Variants in KCNIP4 observed in about 807,000 individuals in gnomAD.
The protein encoded by KCNIP4 is Kv channel-interacting protein 4.
In KCNIP4, 12 loss-of-function variants were observed where a neutral mutation model predicts 34.0. The ratio of observed to expected loss-of-function variants is 0.35; its 90% CI spans 0.23 to 0.57. KCNIP4 has a LOEUF of 0.57. Ranked by LOEUF, KCNIP4 falls within the 20% of genes least tolerant of loss-of-function variation. The probability of loss-of-function intolerance (pLI) is 0.83; values close to 1 mark genes in which losing one functional copy is unlikely to be tolerated. For synonymous variants in KCNIP4, 124 were observed against 102.2 expected (o/e 1.21, Z -1.29); for missense variants, 238 against 311.7 (o/e 0.76, Z 1.78).
At chr4:21,178,529 G>A (rs1754604981) in intron 1 of KCNIP4, among the ~76,000 whole-genome samples, 1 of 146,342 alleles carries the variant, frequency 6.8e-6, no homozygotes, top group African/African-American at 2.8e-5. Flanking sequence ...AGTTATTTAA[G>A]TCCCATGGGT....
chr4:21,236,348 G>A (rs1250329938), intron 1 of KCNIP4, among the ~76,000 whole-genome samples: 1 of 152,106 alleles, frequency 6.6e-6, no homozygotes, highest in Non-Finnish European at 1.5e-5. Flanking sequence ...CTGGACTGGT[G>A]ACATTTGTAT....
chr4:21,553,376 C>T (rs535754193), intron 1 of KCNIP4, among the ~76,000 whole-genome samples: 7 of 152,172 alleles, frequency 4.6e-5, no homozygotes, highest in South Asian at 4.1e-4. Flanking sequence ...ATAAAAATAC[C>T]GGCTGTAATA....
At chr4:21,034,528 C>T (rs1741287118) in intron 1 of KCNIP4, among the ~76,000 whole-genome samples, 1 of 152,046 alleles carries the variant, frequency 6.6e-6, no homozygotes, top group South Asian at 2.1e-4. Context: ...TTGTCTTTTC[C>T]CCTGGTCTTC....
intron 1 of KCNIP4, among the ~76,000 whole-genome samples, chr4:21,575,259 G>A (rs1399146022): frequency 6.6e-6 from 1 of 152,152 alleles, no homozygotes; most frequent in East Asian, 1.9e-4. Flanking sequence ...AGGCTAGACA[G>A]AACACTTGAA....
chr4:21,526,299 C>T (rs1363569148), intron 1 of KCNIP4, among the ~76,000 whole-genome samples: 2 of 152,070 alleles, frequency 1.3e-5, no homozygotes, highest in African/African-American at 4.8e-5. Flanking sequence ...GGGAGTTCCT[C>T]TGCACATGCT....
intron 1 of KCNIP4, among the ~76,000 whole-genome samples, chr4:21,643,543 C>A (rs986414774): frequency 6.6e-6 from 1 of 151,994 alleles, no homozygotes; most frequent in Middle Eastern, 3.2e-3. Flanking sequence ...AAATATTTGG[C>A]CAAATATTAT....
chr4:21,567,343 T>C (rs976853074), intron 1 of KCNIP4, among the ~76,000 whole-genome samples: 11 of 152,076 alleles, frequency 7.2e-5, no homozygotes, highest in African/African-American at 2.7e-4. Context: ...TGGAAGCCAC[T>C]GGCTGATGTA....
intron 1 of KCNIP4, among the ~76,000 whole-genome samples, chr4:20,937,201 C>G (rs1240292702): frequency 7.1e-6 from 1 of 140,318 alleles, no homozygotes; most frequent in Non-Finnish European, 1.5e-5. Context: ...AGGGCATGAG[C>G]AAAAGGTGCC....
chr4:21,615,584 G>C (rs745875959), intron 1 of KCNIP4, among the ~76,000 whole-genome samples: 2 of 151,426 alleles, frequency 1.3e-5, no homozygotes, highest in Non-Finnish European at 2.9e-5. Flanking sequence ...ACATATAAAA[G>C]TAACAAATAT....
intron 5 of KCNIP4, among the ~76,000 whole-genome samples, chr4:20,735,530 G>GTTTTTTTTTTTTTTT (rs10542507): frequency 9.1e-6 from 1 of 109,708 alleles, no homozygotes; most frequent in Non-Finnish European, 1.8e-5. Flanking sequence ...TTTTTTTTTT[G>GTTTTTTTTTTTTTTT]TTTTTTTTTT....
intron 1 of KCNIP4, among the ~76,000 whole-genome samples, chr4:21,467,041 A>G (rs1264827197): frequency 6.7e-6 from 1 of 150,058 alleles, no homozygotes; most frequent in Non-Finnish European, 1.5e-5. Flanking sequence ...AAAATGTGAC[A>G]AACCAAAACC....
intron 3 of KCNIP4, among the ~76,000 whole-genome samples, chr4:20,764,647 A>C (rs1755229680): frequency 6.6e-6 from 1 of 151,030 alleles, no homozygotes. Context: ...TCTCACACCG[A>C]GAGGAGCTAC....
intron 1 of KCNIP4, among the ~76,000 whole-genome samples, chr4:21,905,447 C>T (rs556256456): frequency 6.6e-6 from 1 of 152,022 alleles, no homozygotes; most frequent in East Asian, 1.9e-4. Context: ...GGTACATGTG[C>T]ACAACATGCA....
intron 1 of KCNIP4, among the ~76,000 whole-genome samples, chr4:21,899,080 T>C (rs1727563426): frequency 2.0e-5 from 3 of 152,130 alleles, no homozygotes; most frequent in Non-Finnish European, 4.4e-5. Context: ...ACTAAGTAAA[T>C]TTCATCATGA....
chr4:20,794,004 C>T (rs934770654), intron 3 of KCNIP4, among the ~76,000 whole-genome samples: 1 of 152,122 alleles, frequency 6.6e-6, no homozygotes, highest in Non-Finnish European at 1.5e-5. Flanking sequence ...GAATAAGTCT[C>T]ATGAGATCTG....
chr4:21,926,482 C>A (rs1021653171), intron 1 of KCNIP4, among the ~76,000 whole-genome samples: 1 of 152,190 alleles, frequency 6.6e-6, no homozygotes, highest in Non-Finnish European at 1.5e-5. Flanking sequence ...AAGAATCCAA[C>A]ACTTTAAAGA....
chr4:21,689,726 A>G (rs1295724086), intron 1 of KCNIP4, among the ~76,000 whole-genome samples: 1 of 152,210 alleles, frequency 6.6e-6, no homozygotes, highest in African/African-American at 2.4e-5. Flanking sequence ...AATGCTTTTT[A>G]TGATGATATA....
At chr4:21,334,393 G>A (rs1000197042) in intron 1 of KCNIP4, among the ~76,000 whole-genome samples, 1 of 152,062 alleles carries the variant, frequency 6.6e-6, no homozygotes, top group African/African-American at 2.4e-5. Flanking sequence ...TACTCTGGGT[G>A]TTGAGAATAT....
chr4:21,745,687 A>G (rs1162712086), intron 1 of KCNIP4, among the ~76,000 whole-genome samples: 9 of 152,174 alleles, frequency 5.9e-5, no homozygotes, highest in Admixed American at 5.9e-4. Flanking sequence ...TTGAAGTACT[A>G]TGAAAACAAA....
Sources: allele counts gnomAD v4.1 joint callset (sites outside exome capture counted in the v4.1 genomes callset), GRCh38; gene constraint gnomAD v4.1.1; transcripts MANE v1.5; gene names NCBI Gene and HGNC (gene_info 2026-07-23, HGNC 2026-07-21).